CNTN5: variants seen among roughly 807,000 people sequenced by gnomAD.
CNTN5 encodes the protein contactin 5, also known as contactin-5.
In CNTN5, 77 loss-of-function variants were observed where a neutral mutation model predicts 129.1. That is an observed-to-expected ratio of 0.60 (90% CI 0.50 to 0.72). The LOEUF is 0.72. Ranked by LOEUF, CNTN5 falls within the 30% of genes least tolerant of loss-of-function variation. CNTN5 has a pLI of 0.00. For missense variants in CNTN5, 1,478 were observed against 1,328.8 expected (o/e 1.11, Z -1.75); for synonymous variants, 509 against 465.6 (o/e 1.09, Z -1.20).
At chr11:99,868,925 G>A (rs1374885357) in intron 6 of CNTN5, among the ~76,000 whole-genome samples, 1 of 152,122 alleles carries the variant, frequency 6.6e-6, no homozygotes, top group Non-Finnish European at 1.5e-5. Context: ...AAGAAAAGAA[G>A]TAGAACAAGT....
chr11:99,163,493 C>A (rs1860718496), intron 1 of CNTN5, among the ~76,000 whole-genome samples: 1 of 151,914 alleles, frequency 6.6e-6, no homozygotes, highest in South Asian at 2.1e-4. Flanking sequence ...TCAATTAACA[C>A]TCAATGAAAT....
At chr11:99,430,735 G>A (rs1591043594) in intron 2 of CNTN5, among the ~76,000 whole-genome samples, 1 of 151,626 alleles carries the variant, frequency 6.6e-6, no homozygotes, top group South Asian at 2.1e-4. Flanking sequence ...ACAAAAGGTT[G>A]GGGGGGCGGG....
intron 2 of CNTN5, among the ~76,000 whole-genome samples, chr11:99,458,443 G>C (rs975431750): frequency 2.2e-4 from 33 of 152,036 alleles, no homozygotes; most frequent in Non-Finnish European, 1.0e-4. Context: ...AAGATGTTGA[G>C]AGGTAATGCA....
chr11:99,330,560 A>G (rs1345234876), intron 2 of CNTN5, among the ~76,000 whole-genome samples: 1 of 152,138 alleles, frequency 6.6e-6, no homozygotes, highest in Non-Finnish European at 1.5e-5. Flanking sequence ...GGACTCTGAT[A>G]ACTGTGTTTC....
intron 1 of CNTN5, among the ~76,000 whole-genome samples, chr11:99,201,336 C>A (rs1181842869): frequency 2.5e-5 from 2 of 79,756 alleles, no homozygotes; most frequent in African/African-American, 5.6e-5. Context: ...TTCCTTCCTT[C>A]CTTCCTTCCT....
rs569674833 is a variant in CNTN5, at chr11:99,067,093, G to A, written c.-210+45823G>A. 2.6e-5 allele frequency among the ~76,000 whole-genome samples: 4 copies of A among 152,224 alleles called. No homozygotes were observed. The South Asian group carries it at 6.2e-4, about 24-fold the overall frequency. ...TCCCCAGTAAATCACTTGCACATCA[G>A]ATTCCTTCTTGGCATTTACTTCACC... On this transcript the variant is annotated intron_variant, in intron 1 of 24. Transcript: ENST00000524871.
chr11:99,505,449 G>A (rs1358147598), intron 2 of CNTN5, among the ~76,000 whole-genome samples: 2 of 152,194 alleles, frequency 1.3e-5, no homozygotes, highest in African/African-American at 4.8e-5. Context: ...CAAGTATGAT[G>A]TGGGAAGAAT....
intron 2 of CNTN5, among the ~76,000 whole-genome samples, chr11:99,430,567 T>C (rs1445743946): frequency 1.3e-5 from 2 of 151,494 alleles, no homozygotes; most frequent in Admixed American, 6.6e-5. Context: ...ATTTTAACCA[T>C]GGGCCTCCTA....
chr11:99,658,670 G>C, intron 3 of CNTN5, among the ~76,000 whole-genome samples: 1 of 147,836 alleles, frequency 6.8e-6, no homozygotes, highest in East Asian at 2.0e-4. Context: ...TCAGGGGTTT[G>C]AGAACAGCCT....
chr11:99,070,005 A>T (rs546863317), intron 1 of CNTN5, among the ~76,000 whole-genome samples: 2 of 152,296 alleles, frequency 1.3e-5, no homozygotes, highest in South Asian at 4.1e-4. Flanking sequence ...CTGCGTTGCC[A>T]GCCAGCCACA....
At chr11:99,725,958 C>T (rs181181765) in intron 3 of CNTN5, among the ~76,000 whole-genome samples, 2 of 152,170 alleles carry the variant, frequency 1.3e-5, no homozygotes, top group East Asian at 3.9e-4. Flanking sequence ...TTCAGAATAG[C>T]CAAATAAGAA....
chr11:99,134,224 G>A (rs1054396620), intron 1 of CNTN5, among the ~76,000 whole-genome samples: 1 of 152,036 alleles, frequency 6.6e-6, no homozygotes, highest in Non-Finnish European at 1.5e-5. Flanking sequence ...GACACAGGCA[G>A]GAGAACTACA....
chr11:99,713,943 C>T (rs1378362117), intron 3 of CNTN5, among the ~76,000 whole-genome samples: 2 of 151,850 alleles, frequency 1.3e-5, no homozygotes, highest in African/African-American at 2.4e-5. Flanking sequence ...TAATAGAATT[C>T]TTAGATTTCG....
Position 99,032,055 on chromosome 11 carries a change from T to A in CNTN5, c.-210+10785T>A, listed in dbSNP as rs576756825. ...TCTTGCGATAGTTTACTGAGAATGA[T>A]GACTTCCAATTTCATCCACGTCCCT... On this transcript the variant is annotated intron_variant, in intron 1 of 24. Coordinates refer to ENST00000524871, the MANE Select transcript of CNTN5 (RefSeq NM_014361.4). 5.9e-5 allele frequency among the ~76,000 whole-genome samples: 9 copies of A among 152,120 alleles called. No homozygotes were observed. In the South Asian group the frequency reaches 1.9e-3, roughly 32 times the overall value.
chr11:99,435,721 C>A (rs1210072470), intron 2 of CNTN5, among the ~76,000 whole-genome samples: 1 of 152,206 alleles, frequency 6.6e-6, no homozygotes, highest in Non-Finnish European at 1.5e-5. Flanking sequence ...GGGACTAGTT[C>A]TGTCTATAAC....
chr11:99,553,582 A>G (rs1948566018), intron 2 of CNTN5, among the ~76,000 whole-genome samples: 1 of 152,022 alleles, frequency 6.6e-6, no homozygotes, highest in Admixed American at 6.6e-5. Flanking sequence ...CTTCAGTATT[A>G]TGTATTTTAA....
chr11:100,305,947 TA>T (rs60794756), intron 20 of CNTN5, among the ~76,000 whole-genome samples: 14,698 of 120,922 alleles, frequency 0.12, 933 homozygotes, highest in East Asian at 0.25. Context: ...GCTGATTAGC[TA>T]AAAAAAAAAA....
chr11:99,136,236 A>T (rs1475244005), intron 1 of CNTN5, among the ~76,000 whole-genome samples: 5 of 151,992 alleles, frequency 3.3e-5, no homozygotes, highest in Non-Finnish European at 5.9e-5. Context: ...TCCAACTGCG[A>T]AAACCCTCCT....
intron 3 of CNTN5, among the ~76,000 whole-genome samples, chr11:99,567,705 T>C (rs946837466): frequency 1.3e-5 from 2 of 152,198 alleles, no homozygotes; most frequent in Non-Finnish European, 2.9e-5. Flanking sequence ...AAATTAAAAT[T>C]ATGTATTTGC....
Sources: allele counts gnomAD v4.1 joint callset (sites outside exome capture counted in the v4.1 genomes callset), GRCh38; gene constraint gnomAD v4.1.1; transcripts MANE v1.5; gene names NCBI Gene and HGNC (gene_info 2026-07-23, HGNC 2026-07-21).